The following RAD23A variants were observed in gnomAD, a reference collection of about 807,000 sequenced individuals.
The protein encoded by RAD23A is RAD23 nucleotide excision repair protein A.
A neutral mutation model predicts 44.8 loss-of-function variants in RAD23A; 16 were observed. That is an observed-to-expected ratio of 0.36 (90% confidence interval 0.24 to 0.54). The LOEUF (loss-of-function observed/expected upper bound fraction) is 0.54. Ranked by LOEUF, RAD23A falls within the 20% of genes least tolerant of loss-of-function variation. RAD23A has a pLI of 0.89. For synonymous variants in RAD23A, 217 were observed against 202.9 expected (o/e 1.07, Z -0.59); for missense variants, 380 against 483.3 (o/e 0.79, Z 2.00).
chr19:12,953,368 T>A lies in RAD23A; in HGVS notation c.*319T>A. 5.1e-6 allele frequency: 1 copy of A among 196,348 alleles called. No homozygotes were observed. The highest frequency in any genetic ancestry group is 1.0e-5 in the Non-Finnish European group (1 of 98,388). The allele number at this position is 196,348 out of a possible 1,614,324, so 12.2% of individuals were successfully genotyped here. A position where few individuals can be genotyped will look rare whatever the true frequency, so the allele number is the denominator to read the frequency against. ...GCAGCCAGACGGAAAGGCGGCTGCT[T>A]GCCTCTCCATCCTCCGAAAAACCCC... is the stretch of plus-strand genomic sequence containing the variant. On this transcript the variant is annotated 3_prime_UTR_variant, in exon 9 of 9. Transcript: ENST00000586534.
rs759037850 is a variant in RAD23A at position 12,948,135 on chromosome 19, A to C, written c.235-42A>C. On this transcript the variant is annotated intron_variant, in intron 2 of 8. Transcript: ENST00000586534. The surrounding 1 kb of genome is among the most constrained non-coding windows in gnomAD (Gnocchi z 5.5). ...ACAGCGGAGCGGGTTGTTGGGTCTGATAGGGTTGCTGATGCCAGCTCCCTT... is the reference window on the plus strand; with the variant it reads ...ACAGCGGAGCGGGTTGTTGGGTCTGCTAGGGTTGCTGATGCCAGCTCCCTT... The C allele has an allele frequency of 1.9e-6, 3 of 1,612,794 alleles. No individual in the cohort carries two copies. In the Admixed American group the frequency reaches 5.0e-5, roughly 27 times the overall value.
Position 12,948,949 on chromosome 19 carries a change from C to A in RAD23A, c.601-132C>A. ...GATTCTAGCCACTAAAGGCTTCCCA[C>A]AGGAGGCTGGATGTGAGTGATGGGT... On this transcript the variant is annotated intron_variant, in intron 5 of 8. Coordinates refer to ENST00000586534, the MANE Select transcript of RAD23A (RefSeq NM_005053.4). The surrounding 1 kb of genome is among the most constrained non-coding windows in gnomAD (Gnocchi z 5.5). 6.5e-7 allele frequency: 1 copy of A among 1,528,726 alleles called. No homozygotes were observed. Among genetic ancestry groups the A allele is most frequent in the Non-Finnish European group, 8.9e-7 (1 of 1,120,676 alleles). The allele number at this position is 1,528,726 out of a possible 1,614,324, so 94.7% of individuals were successfully genotyped here.
rs3208320 is a variant in RAD23A, at chr19:12,947,964, C to T, written c.189C>T (p.Asp63=). 4 of 1,613,986 alleles carry T rather than the reference C, an allele frequency of 2.5e-6. No homozygotes were observed. Among genetic ancestry groups the T allele is most frequent in the Non-Finnish European group, 3.4e-6 (4 of 1,180,030 alleles). Reference sequence around the variant, plus strand: ...TGAGTGACGATGTCCCTATCAGGGACTATCGCATCGATGAGAAGAACTTTG... The same window carrying T: ...TGAGTGACGATGTCCCTATCAGGGATTATCGCATCGATGAGAAGAACTTTG... The part of the protein sequence containing the change: ...KILSDDVPIR[D]YRIDEKNFVV... The change falls in exon 2 of 9, where the codon GAC becomes GAT. Residue 63 remains aspartate (D), a synonymous_variant. Transcript: ENST00000586534.
Position 12,948,970 on chromosome 19 carries a change from TG to T in RAD23A, c.601-108del. 6.6e-7 allele frequency: 1 copy of T among 1,516,828 alleles called. No individual in the cohort carries two copies. Among genetic ancestry groups the T allele is most frequent in the Non-Finnish European group, 9.0e-7 (1 of 1,109,002 alleles). The allele number at this position is 1,516,828 out of a possible 1,614,324, so 94.0% of individuals were successfully genotyped here. ...CCCACAGGAGGCTGGATGTGAGTGA[TG>T]GGTGGGCCTCTGGAGGGCAGGGCCG... On this transcript the variant is annotated intron_variant, in intron 5 of 8. Transcript: ENST00000586534. This position sits in a 1 kb window ranked among gnomAD's most constrained non-coding sequence, Gnocchi z 5.5.
chr19:12,946,054 G>A, intron 1 of RAD23A, 34 bp downstream of exon 1: 4 of 1,399,116 alleles, frequency 2.9e-6, no homozygotes, highest in Non-Finnish European at 3.9e-6. Flanking sequence ...GGGCGGGAGC[G>A]ACGGGTTTCG....
Position 12,952,972 on chromosome 19 carries a change from C to T in RAD23A, c.1015C>T (p.Gln339Ter). 1 of 1,614,034 alleles carries T rather than the reference C, an allele frequency of 6.2e-7. No individual in the cohort carries two copies. The highest frequency in any genetic ancestry group is 8.5e-7 in the Non-Finnish European group (1 of 1,179,998). Residue 339 changes from glutamine (Q) to a stop codon, truncating the protein, a stop_gained, in exon 9 of 9, where the codon CAG becomes TAG. Transcript: ENST00000586534. LOFTEE classifies it high-confidence loss of function. ...GGGCTTCCCAGAGAGCCTGGTCATC[C>T]AGGCCTATTTCGCGTGTGAAAAAAA... is the stretch of plus-strand genomic sequence containing the variant. ...ALGFPESLVI[Q>*]AYFACEKNEN...
At chr19:12,946,075 GGGGGC>G in intron 1 of RAD23A, 55 bp downstream of exon 1, 1 of 1,249,400 alleles carries the variant, frequency 8.0e-7, no homozygotes, top group Non-Finnish European at 1.1e-6. Flanking sequence ...GGGGTGGGGT[GGGGGC>G]GGGGAGGCTA....
intron 1 of RAD23A, 85 bp downstream of exon 1, chr19:12,946,105 G>T (rs1971665204): frequency 2.3e-6 from 3 of 1,316,178 alleles, no homozygotes; most frequent in Non-Finnish European, 3.1e-6. Flanking sequence ...CCCAACGGGA[G>T]GGGCAGGGAG....
chr19:12,947,104 A>G (rs544973220), intron 1 of RAD23A, among the ~76,000 whole-genome samples: 7 of 152,344 alleles, frequency 4.6e-5, no homozygotes, highest in Non-Finnish European at 8.8e-5. Flanking sequence ...AGGAAACTTA[A>G]AAGGTATGAC....
rs1437005388 is a variant in RAD23A at position 12,948,268 on chromosome 19, C to T, written c.326C>T (p.Ser109Leu). The T allele has an allele frequency of 1.2e-6, 2 of 1,613,636 alleles. No individual in the cohort carries two copies. The highest frequency in any genetic ancestry group is 1.7e-6 in the Non-Finnish European group (2 of 1,179,812). ...SSTSFPPAPTSGMSHPPPAAR... is the reference protein window; with the variant it reads ...SSTSFPPAPTLGMSHPPPAAR... ...ACATCCTTCCCGCCTGCCCCCACCT[C>T]AGGCATGTCCCATCCCCCACCTGCC... Residue 109 changes from serine (S) to leucine (L), a missense_variant, in exon 3 of 9, where the codon TCA (serine) becomes TTA (leucine). Ser to Leu is a moderately radical substitution (Grantham distance 145). Around this residue, in one of 3 missense-constraint regions of RAD23A, gnomAD observed 279 missense variants for 313.7 expected, o/e 0.89. Transcript: ENST00000586534. This position sits in a 1 kb window ranked among gnomAD's most constrained non-coding sequence, Gnocchi z 5.5.
chr19:12,947,583 C>T (rs1971701526), intron 1 of RAD23A, among the ~76,000 whole-genome samples: 1 of 152,198 alleles, frequency 6.6e-6, no homozygotes, highest in Admixed American at 6.5e-5. Context: ...CAGGGACTTA[C>T]TTGTGTTGAG....
At chr19:12,949,489 A>G (rs1971750622) in intron 7 of RAD23A, 81 bp downstream of exon 7, 1 of 1,556,574 alleles carries the variant, frequency 6.4e-7, no homozygotes, top group Non-Finnish European at 8.8e-7. Context: ...ACACGTAGGA[A>G]TCGTTCTAGG....
At chr19:12,950,491 G>A (rs371612227) in intron 7 of RAD23A, among the ~76,000 whole-genome samples, 1 of 151,700 alleles carries the variant, frequency 6.6e-6, no homozygotes, top group African/African-American at 2.4e-5. Context: ...TGCAACCTCC[G>A]CCTCCCGGGT....
intron 7 of RAD23A, chr19:12,949,726 G>A: frequency 2.2e-6 from 1 of 450,776 alleles, no homozygotes; most frequent in Non-Finnish European, 4.1e-6. Context: ...GGGGTCCTGG[G>A]CTGGGGCTCT....
intron 7 of RAD23A, 168 bp downstream of exon 7, chr19:12,949,576 C>G: frequency 2.3e-6 from 2 of 861,120 alleles, no homozygotes; most frequent in Non-Finnish European, 3.5e-6. Flanking sequence ...CCTGGTTTCT[C>G]AGTCTTCCCA....
Position 12,952,860 on chromosome 19 carries a change from G to A in RAD23A, c.978+7G>A. 6.2e-7 allele frequency: 1 copy of A among 1,602,966 alleles called. No individual in the cohort carries two copies. Among genetic ancestry groups the A allele is most frequent in the Non-Finnish European group, 8.5e-7 (1 of 1,173,264 alleles). On this transcript the variant is annotated splice_region_variant and intron_variant, in intron 8 of 8. Coordinates refer to ENST00000586534, the MANE Select transcript of RAD23A (RefSeq NM_005053.4). Reference sequence around the variant, plus strand: ...GAAAGAAGCTATAGAGAGGGTAAGAGGCCTGGCTGAGGGGTGACTGCAGGT... The same window carrying A: ...GAAAGAAGCTATAGAGAGGGTAAGAAGCCTGGCTGAGGGGTGACTGCAGGT...
At chr19:12,951,438 TTTG>T (rs1028011962) in intron 7 of RAD23A, among the ~76,000 whole-genome samples, 13 of 152,230 alleles carry the variant, frequency 8.5e-5, no homozygotes, top group South Asian at 4.1e-4. Context: ...TTTTGTTTTT[TTTG>T]TTGTTGTTGT....
intron 1 of RAD23A, 146 bp from the exon 2 acceptor site, chr19:12,947,702 T>A (rs1395404393): frequency 9.7e-6 from 7 of 724,620 alleles, no homozygotes; most frequent in Non-Finnish European, 1.6e-5. Flanking sequence ...TGAATTCAAA[T>A]CTAGCATGCT....
rs1427142177 is a variant in RAD23A at position 12,953,253 on chromosome 19, C to T, written c.*204C>T. On this transcript the variant is annotated 3_prime_UTR_variant, in exon 9 of 9. Transcript: ENST00000586534. ...CTCCCGGGCCAGACAGCTGTCCCCC[C>T]GTCCTCCTCCCCAGCCCAGCCTGCT... 13 of 417,592 alleles carry T rather than the reference C, an allele frequency of 3.1e-5. No individual in the cohort carries two copies. Among genetic ancestry groups the T allele is most frequent in the Non-Finnish European group, 4.6e-5 (11 of 241,340 alleles). The allele number at this position is 417,592 out of a possible 1,614,324, so 25.9% of individuals were successfully genotyped here. A position where few individuals can be genotyped will look rare whatever the true frequency, so the allele number is the denominator to read the frequency against.
Sources: allele counts gnomAD v4.1 joint callset (sites outside exome capture counted in the v4.1 genomes callset), GRCh38; gene constraint gnomAD v4.1.1; regional missense constraint gnomAD v4.1.1; non-coding constraint Gnocchi (gnomAD v3.1); transcripts MANE v1.5; gene names NCBI Gene and HGNC (gene_info 2026-07-23, HGNC 2026-07-21).